ANKFN1: variants seen among roughly 807,000 people sequenced by gnomAD.
ANKFN1 encodes ankyrin repeat and fibronectin type III domain containing 1.
Under a neutral mutation model 108.7 loss-of-function variants are expected in ANKFN1, and 74 were observed. The ratio of observed to expected loss-of-function variants is 0.68; its 90% CI spans 0.56 to 0.83. ANKFN1 has a LOEUF of 0.83. Among genes scored for constraint, ANKFN1 ranks in the 40% least tolerant of loss-of-function variants. ANKFN1 has a pLI of 0.00. For missense variants in ANKFN1, 1,505 were observed against 1,382.3 expected (o/e 1.09, Z -1.41); for synonymous variants, 547 against 516.2 (o/e 1.06, Z -0.81).
intron 4 of ANKFN1, among the ~76,000 whole-genome samples, chr17:56,135,290 T>G (rs1293876721): frequency 6.6e-6 from 1 of 152,140 alleles, no homozygotes; most frequent in Non-Finnish European, 1.5e-5. Flanking sequence ...AATATATTTG[T>G]GTGTGTGTGA....
intron 14 of ANKFN1, among the ~76,000 whole-genome samples, chr17:56,459,509 T>G (rs2049832160): frequency 6.6e-6 from 1 of 152,154 alleles, no homozygotes; most frequent in African/African-American, 2.4e-5. Context: ...GCCTCGTCCT[T>G]TCATCACTGA....
At position 56,515,486 on chromosome 17, in the gene ANKFN1, G is replaced by C. The variant is rs2051892585; in HGVS notation, c.*4217G>C. 6.6e-6 allele frequency among the ~76,000 whole-genome samples: 1 copy of C among 152,118 alleles called. No individual in the cohort carries two copies. The highest frequency in any genetic ancestry group is 1.5e-5 in the Non-Finnish European group (1 of 68,026). On this transcript the variant is annotated 3_prime_UTR_variant, in exon 21 of 21. Coordinates refer to ENST00000682825, the MANE Select transcript of ANKFN1 (RefSeq NM_001370326.1). Reference sequence around the variant, plus strand: ...ATGGTATCTCTTCATAGGTAATAGGGTGAGCAAGGAAAAAAACTGTTTTCT... The same window carrying C: ...ATGGTATCTCTTCATAGGTAATAGGCTGAGCAAGGAAAAAAACTGTTTTCT...
At chr17:56,500,389 T>TA (rs1287696547) in intron 20 of ANKFN1, among the ~76,000 whole-genome samples, 4 of 117,306 alleles carry the variant, frequency 3.4e-5, no homozygotes, top group African/African-American at 9.8e-5. Context: ...GTCTATGACT[T>TA]ACCAAATAAC....
At chr17:56,299,274 C>T (rs2044605477) in intron 3 of ANKFN1, among the ~76,000 whole-genome samples, 1 of 152,044 alleles carries the variant, frequency 6.6e-6, no homozygotes, top group South Asian at 2.1e-4. Context: ...GTGAGGTCTC[C>T]CCGCATCTCT....
At chr17:56,225,223 A>T (rs2143892551) in intron 2 of ANKFN1, among the ~76,000 whole-genome samples, 1 of 152,132 alleles carries the variant, frequency 6.6e-6, no homozygotes, top group South Asian at 2.1e-4. Flanking sequence ...CACATTCCCC[A>T]TCTGCCTTCT....
At chr17:56,481,646 AG>A (rs926469255) in intron 17 of ANKFN1, among the ~76,000 whole-genome samples, 1 of 152,184 alleles carries the variant, frequency 6.6e-6, no homozygotes, top group African/African-American at 2.4e-5. Flanking sequence ...AATAAATTAG[AG>A]TTCTAAGAAT....
chr17:56,227,684 G>A (rs1916385558), intron 2 of ANKFN1, among the ~76,000 whole-genome samples: 1 of 152,088 alleles, frequency 6.6e-6, no homozygotes, highest in Non-Finnish European at 1.5e-5. Context: ...ATACTAAGGA[G>A]CAGGGAGCTG....
At chr17:56,157,646 G>A (rs1310745465) in intron 1 of ANKFN1, among the ~76,000 whole-genome samples, 1 of 152,200 alleles carries the variant, frequency 6.6e-6, no homozygotes, top group African/African-American at 2.4e-5. Context: ...GGATTTCCAA[G>A]TTCCCATTGA....
intron 3 of ANKFN1, among the ~76,000 whole-genome samples, chr17:56,305,250 C>T (rs896764779): frequency 2.0e-5 from 3 of 152,194 alleles, no homozygotes; most frequent in Non-Finnish European, 2.9e-5. Context: ...AATTACCTCC[C>T]ACTGGCTCCC....
chr17:56,270,043 A>G (rs1567875381), intron 3 of ANKFN1, among the ~76,000 whole-genome samples: 1 of 152,140 alleles, frequency 6.6e-6, no homozygotes, highest in African/African-American at 2.4e-5. Flanking sequence ...TTTCCTTTTA[A>G]TAAGCCATTG....
intron 1 of ANKFN1, among the ~76,000 whole-genome samples, chr17:56,185,491 G>A (rs1001586136): frequency 2.0e-5 from 3 of 152,088 alleles, no homozygotes; most frequent in African/African-American, 7.2e-5. Flanking sequence ...GTCGAAGAAT[G>A]GGTCAGAGCA....
chr17:56,122,536 G>A (rs759742321), intron 4 of ANKFN1, among the ~76,000 whole-genome samples: 2 of 152,086 alleles, frequency 1.3e-5, no homozygotes, highest in Admixed American at 6.5e-5. Flanking sequence ...TGGATAGATT[G>A]TTCATCCCTG....
intron 4 of ANKFN1, among the ~76,000 whole-genome samples, chr17:56,140,026 C>A (rs557234348): frequency 1.4e-4 from 22 of 152,354 alleles, no homozygotes; most frequent in Non-Finnish European, 3.2e-4. Flanking sequence ...AATTTGACCA[C>A]TTTCCTAAGT....
At chr17:56,291,310 G>T (rs951236427) in intron 3 of ANKFN1, among the ~76,000 whole-genome samples, 4 of 151,988 alleles carry the variant, frequency 2.6e-5, no homozygotes, top group African/African-American at 4.8e-5. Flanking sequence ...AAACATATGG[G>T]ATTGTCTATT....
At chr17:56,142,188 C>A (rs941109626) in intron 4 of ANKFN1, among the ~76,000 whole-genome samples, 8 of 152,080 alleles carry the variant, frequency 5.3e-5, no homozygotes, top group Non-Finnish European at 8.8e-5. Context: ...CTTGGCCTCC[C>A]AAAGTGCTGG....
At chr17:56,193,580 TAA>T (rs1211179679) in intron 1 of ANKFN1, among the ~76,000 whole-genome samples, 9 of 140,922 alleles carry the variant, frequency 6.4e-5, no homozygotes, top group African/African-American at 1.8e-4. Context: ...TGTAGCGTTT[TAA>T]AAAAAAAAAA....
At chr17:56,351,012 T>C in intron 5 of ANKFN1, 45 bp downstream of exon 5, 1 of 1,582,916 alleles carries the variant, frequency 6.3e-7, no homozygotes. Flanking sequence ...ATTTATTCAT[T>C]TATGTTTGGG....
intron 1 of ANKFN1, among the ~76,000 whole-genome samples, chr17:56,168,272 A>T (rs1392325448): frequency 1.3e-5 from 2 of 151,930 alleles, no homozygotes; most frequent in Admixed American, 6.5e-5. Context: ...AAAAAAAAAA[A>T]AGGCTGATGA....
intron 3 of ANKFN1, among the ~76,000 whole-genome samples, chr17:56,235,144 A>G (rs1234969238): frequency 2.6e-5 from 4 of 151,960 alleles, no homozygotes; most frequent in Admixed American, 6.6e-5. Context: ...AGCCACATGT[A>G]TGTCTTCTTT....
Sources: allele counts gnomAD v4.1 joint callset (sites outside exome capture counted in the v4.1 genomes callset), GRCh38; gene constraint gnomAD v4.1.1; transcripts MANE v1.5; gene names NCBI Gene and HGNC (gene_info 2026-07-23, HGNC 2026-07-21).